Variants in OPCML observed in about 807,000 individuals in gnomAD.
The protein encoded by OPCML is opioid-binding protein/cell adhesion molecule.
Under a neutral mutation model 37.8 loss-of-function variants are expected in OPCML, and 13 were observed. The ratio of observed to expected loss-of-function variants is 0.34; its 90% confidence interval spans 0.22 to 0.55. The LOEUF (loss-of-function observed/expected upper bound fraction) is 0.55, where lower values mean the gene tolerates loss of function less well. Ranked by LOEUF, OPCML falls within the 20% of genes least tolerant of loss-of-function variation. The pLI is 0.91. For missense variants in OPCML, 341 were observed against 435.6 expected (o/e 0.78, Z 1.93); for synonymous variants, 176 against 168.8 (o/e 1.04, Z -0.33).
chr11:132,759,751 C>A (rs1591568791), intron 2 of OPCML, among the ~76,000 whole-genome samples: 1 of 152,138 alleles, frequency 6.6e-6, no homozygotes, highest in East Asian at 1.9e-4. Flanking sequence ...AAAGGCAGTT[C>A]CTGGATTCAT....
chr11:132,739,829 T>C (rs1057190592), intron 2 of OPCML, among the ~76,000 whole-genome samples: 2 of 152,200 alleles, frequency 1.3e-5, no homozygotes, highest in Non-Finnish European at 2.9e-5. Flanking sequence ...AGTCTTAAAG[T>C]ACAGTCAAAA....
intron 1 of OPCML, among the ~76,000 whole-genome samples, chr11:133,334,746 C>T (rs1443690954): frequency 3.3e-5 from 5 of 152,144 alleles, no homozygotes; most frequent in African/African-American, 1.2e-4. Flanking sequence ...ATAGAGTGTA[C>T]CAGTGAGTGA....
rs563803373 is a variant in OPCML, at chr11:132,424,280, C to T, written c.917-3987G>A. Among the ~76,000 whole-genome samples the T allele has an allele frequency of 2.0e-5, 3 of 152,134 alleles. No homozygotes were observed. In the South Asian group the frequency reaches 6.2e-4, roughly 32 times the overall value. ...GACTACAGACGCCTGCCACCATGCC[C>T]AGCTAATTTTTTGTATTTTTAGTAG... On this transcript the variant is annotated intron_variant, in intron 7 of 7. Coordinates refer to ENST00000524381, the MANE Select transcript of OPCML (RefSeq NM_001012393.5).
intron 1 of OPCML, among the ~76,000 whole-genome samples, chr11:133,375,407 T>C (rs1944780924): frequency 6.6e-6 from 1 of 152,238 alleles, no homozygotes; most frequent in Non-Finnish European, 1.5e-5. Context: ...AGGGGAAGAA[T>C]TCCAAGTATC....
chr11:133,052,953 AT>A (rs1948158510), intron 1 of OPCML, among the ~76,000 whole-genome samples: 1 of 152,218 alleles, frequency 6.6e-6, no homozygotes, highest in Non-Finnish European at 1.5e-5. Context: ...AGATATCTGA[AT>A]TAAACCTCCC....
intron 1 of OPCML, among the ~76,000 whole-genome samples, chr11:133,448,383 T>A (rs1233714751): frequency 6.6e-6 from 1 of 152,196 alleles, no homozygotes; most frequent in East Asian, 1.9e-4. Flanking sequence ...AACATTCAAT[T>A]CTATTCCATG....
intron 1 of OPCML, among the ~76,000 whole-genome samples, chr11:133,283,377 C>T (rs57073517): frequency 0.057 from 8,694 of 151,480 alleles, 271 homozygotes; most frequent in Middle Eastern, 0.072. Context: ...CTCCCCCACC[C>T]CTTGTTCCTA....
At chr11:133,113,953 T>A (rs2137099421) in intron 1 of OPCML, among the ~76,000 whole-genome samples, 1 of 152,336 alleles carries the variant, frequency 6.6e-6, no homozygotes, top group Middle Eastern at 3.4e-3. Flanking sequence ...CTTGTTGATA[T>A]TTATGAAAAC....
At chr11:132,937,564 CGT>C (rs1352844165) in intron 2 of OPCML, among the ~76,000 whole-genome samples, 6 of 116,312 alleles carry the variant, frequency 5.2e-5, no homozygotes, top group Non-Finnish European at 1.1e-4. Context: ...GTGTGTGTGT[CGT>C]GTGTGTGTGG....
At chr11:133,278,109 C>T (rs1429264890) in intron 1 of OPCML, among the ~76,000 whole-genome samples, 1 of 152,130 alleles carries the variant, frequency 6.6e-6, no homozygotes, top group African/African-American at 2.4e-5. Context: ...CCCACTGTAG[C>T]GTATGTTCAG....
At chr11:133,093,775 T>TA (rs1948952393) in intron 1 of OPCML, among the ~76,000 whole-genome samples, 1 of 115,708 alleles carries the variant, frequency 8.6e-6, no homozygotes, top group Non-Finnish European at 2.1e-5. Context: ...AATCTGTACT[T>TA]ATTTTTTTTT....
At chr11:132,874,378 G>A (rs866185503) in intron 2 of OPCML, among the ~76,000 whole-genome samples, 1 of 151,132 alleles carries the variant, frequency 6.6e-6, no homozygotes, top group Admixed American at 6.6e-5. Context: ...AGTAACTAGG[G>A]AACAATCTTT....
intron 1 of OPCML, chr11:133,024,850 T>C (rs996544264): frequency 1.0e-6 from 1 of 985,328 alleles, no homozygotes; most frequent in Non-Finnish European, 1.2e-6. Context: ...AAGGACCTGC[T>C]TTCATGTCCC....
At chr11:132,424,715 T>C in intron 7 of OPCML, among the ~76,000 whole-genome samples, 1 of 152,100 alleles carries the variant, frequency 6.6e-6, no homozygotes, top group African/African-American at 2.4e-5. Flanking sequence ...AAAACAGGCA[T>C]GATGATGCTG....
intron 1 of OPCML, among the ~76,000 whole-genome samples, chr11:133,482,913 C>T (rs1224844837): frequency 6.6e-6 from 1 of 151,978 alleles, no homozygotes; most frequent in Non-Finnish European, 1.5e-5. Flanking sequence ...AAAATATATA[C>T]ATTTGATCAC....
chr11:132,861,599 G>A (rs568194001), intron 2 of OPCML, among the ~76,000 whole-genome samples: 1 of 152,122 alleles, frequency 6.6e-6, no homozygotes, highest in African/African-American at 2.4e-5. Context: ...CAGTTTGGGA[G>A]GCCGAAGTGG....
Position 133,036,220 on chromosome 11 carries a change from T to C in OPCML, c.62-93210A>G, listed in dbSNP as rs533227255. On this transcript the variant is annotated intron_variant, in intron 1 of 7. Coordinates refer to ENST00000524381, the MANE Select transcript of OPCML (RefSeq NM_001012393.5). ...TTAAAGGGTTGCTGCTTAAGTGCAA[T>C]GGTATCGAGTTAAGAACTTCCCTAA... is the stretch of plus-strand genomic sequence containing the variant. 1.4e-4 allele frequency among the ~76,000 whole-genome samples: 22 copies of C among 152,178 alleles called. 1 individual carries two copies. Among genetic ancestry groups the C allele is most frequent in the Non-Finnish European group, 5.9e-5 (4 of 68,024 alleles).
chr11:133,314,908 A>T (rs1339951800), intron 1 of OPCML, among the ~76,000 whole-genome samples: 1 of 152,242 alleles, frequency 6.6e-6, no homozygotes, highest in Non-Finnish European at 1.5e-5. Context: ...AATCAGCGTA[A>T]CAGATGAACA....
chr11:133,021,865 G>C lies in OPCML; in HGVS notation c.62-78855C>G, dbSNP rs186370674. Among the ~76,000 whole-genome samples, 4 of 152,240 alleles carry C rather than the reference G, an allele frequency of 2.6e-5. No individual in the cohort carries two copies. In the East Asian group the frequency reaches 7.7e-4, roughly 29 times the overall value. On this transcript the variant is annotated intron_variant, in intron 1 of 7. Transcript: ENST00000524381. Reference sequence around the variant, plus strand: ...AGCTCCACTTGCCTGTGACACGGCAGTGTGCTGAGCCCCGTGCTACAGAGC... The same window carrying C: ...AGCTCCACTTGCCTGTGACACGGCACTGTGCTGAGCCCCGTGCTACAGAGC...
Sources: gnomAD v4.1 joint callset for allele counts (sites outside exome capture counted in the v4.1 genomes callset) on GRCh38, gnomAD v4.1.1 for gene constraint, MANE v1.5 for transcripts, NCBI Gene and HGNC (gene_info 2026-07-23, HGNC 2026-07-21) for gene names.